NRG1: variants seen among roughly 807,000 people sequenced by gnomAD.
NRG1 encodes the protein pro-neuregulin-1, membrane-bound isoform.
In NRG1, 18 loss-of-function variants were observed where a neutral mutation model predicts 63.8. That is an observed-to-expected ratio of 0.28 (90% CI 0.19 to 0.42). NRG1 has a LOEUF of 0.42. NRG1 is among the 10% of genes least tolerant of loss of function. The probability of loss-of-function intolerance (pLI) is 1.00; values close to 1 mark genes in which losing one functional copy is unlikely to be tolerated. For synonymous variants in NRG1, 302 were observed against 301.3 expected (o/e 1.00, Z -0.02); for missense variants, 762 against 814.7 (o/e 0.94, Z 0.79).
chr8:32,469,385 G>A (rs932931297), intron 1 of NRG1, among the ~76,000 whole-genome samples: 1 of 152,208 alleles, frequency 6.6e-6, no homozygotes, highest in African/African-American at 2.4e-5. Flanking sequence ...TCAGGGGAGA[G>A]TGACGTGGAT....
chr8:32,501,126 G>A (rs1379283210), intron 1 of NRG1, among the ~76,000 whole-genome samples: 3 of 152,152 alleles, frequency 2.0e-5, no homozygotes, highest in African/African-American at 4.8e-5. Context: ...AAAAGCATCG[G>A]CATAAAACAA....
At chr8:32,750,230 T>C (rs1471351734) in intron 7 of NRG1, among the ~76,000 whole-genome samples, 5 of 152,334 alleles carry the variant, frequency 3.3e-5, no homozygotes, top group Non-Finnish European at 2.9e-5. Flanking sequence ...AGGTGGAGAT[T>C]CCAGTGGTAA....
At chr8:32,289,052 A>G (rs1476590533) in intron 1 of NRG1, among the ~76,000 whole-genome samples, 1 of 152,232 alleles carries the variant, frequency 6.6e-6, no homozygotes, top group Non-Finnish European at 1.5e-5. Flanking sequence ...TCTGAATTAC[A>G]AACAGAAGGA....
chr8:32,590,507 C>T (rs1842345503), intron 1 of NRG1, among the ~76,000 whole-genome samples: 1 of 152,098 alleles, frequency 6.6e-6, no homozygotes, highest in African/African-American at 2.4e-5. Context: ...ACCTTTTATG[C>T]TTAGATAAGA....
intron 1 of NRG1, among the ~76,000 whole-genome samples, chr8:32,477,595 A>G (rs1262194475): frequency 1.3e-5 from 2 of 152,204 alleles, no homozygotes; most frequent in Non-Finnish European, 2.9e-5. Flanking sequence ...TTTTAAAAAT[A>G]CCTTTGGCAT....
intron 1 of NRG1, among the ~76,000 whole-genome samples, chr8:32,055,484 C>A (rs1053539922): frequency 1.3e-5 from 2 of 151,980 alleles, no homozygotes; most frequent in African/African-American, 4.8e-5. Flanking sequence ...AAATGTAATT[C>A]CATTGAAAAT....
At chr8:31,958,153 T>TG (rs1804796750) in intron 1 of NRG1, among the ~76,000 whole-genome samples, 1 of 152,030 alleles carries the variant, frequency 6.6e-6, no homozygotes, top group Admixed American at 6.6e-5. Context: ...TATCTCTAAG[T>TG]ACATGAAGAA....
intron 1 of NRG1, among the ~76,000 whole-genome samples, chr8:32,116,143 T>G (rs1832683264): frequency 6.6e-6 from 1 of 152,156 alleles, no homozygotes; most frequent in Non-Finnish European, 1.5e-5. Flanking sequence ...GGATATTTTT[T>G]TATTCCTCCA....
At chr8:32,111,317 A>AAACCCCGTTGGCCAGCC (rs1162233372) in intron 1 of NRG1, among the ~76,000 whole-genome samples, 1 of 152,004 alleles carries the variant, frequency 6.6e-6, no homozygotes, top group African/African-American at 2.4e-5. Context: ...GGGTTTCACT[A>AAACCCCGTTGGCCAGCC]TGTTGGCCAG....
intron 1 of NRG1, among the ~76,000 whole-genome samples, chr8:32,433,827 A>G (rs1818462914): frequency 6.6e-6 from 1 of 152,104 alleles, no homozygotes; most frequent in African/African-American, 2.4e-5. Context: ...CATAGCATAA[A>G]TATTTTTTCT....
chr8:32,111,317 A>G (rs955140973), intron 1 of NRG1, among the ~76,000 whole-genome samples: 2 of 152,120 alleles, frequency 1.3e-5, no homozygotes, highest in South Asian at 2.1e-4. Context: ...GGGTTTCACT[A>G]TGTTGGCCAG....
At chr8:32,037,955 C>A (rs756882391) in intron 1 of NRG1, among the ~76,000 whole-genome samples, 2 of 152,230 alleles carry the variant, frequency 1.3e-5, no homozygotes, top group Non-Finnish European at 1.5e-5. Context: ...CCGCTTGGCT[C>A]CCTAGCTTCA....
chr8:32,651,942 T>C (rs1216823261), intron 5 of NRG1, among the ~76,000 whole-genome samples: 1 of 152,172 alleles, frequency 6.6e-6, no homozygotes, highest in African/African-American at 2.4e-5. Context: ...AGATCTTCTA[T>C]TGGAACTGAA....
intron 1 of NRG1, among the ~76,000 whole-genome samples, chr8:32,318,524 G>T (rs554086615): frequency 1.3e-5 from 2 of 152,072 alleles, no homozygotes; most frequent in African/African-American, 2.4e-5. Context: ...AAACATCCGA[G>T]CCTCAACTAG....
chr8:32,188,096 T>C (rs1388176673), intron 1 of NRG1, among the ~76,000 whole-genome samples: 2 of 151,924 alleles, frequency 1.3e-5, no homozygotes, highest in Admixed American at 1.3e-4. Flanking sequence ...AGATGAAGTC[T>C]CACTGGATTT....
chr8:31,925,397 G>A (rs1020388761), intron 1 of NRG1, among the ~76,000 whole-genome samples: 21 of 151,398 alleles, frequency 1.4e-4, no homozygotes, highest in African/African-American at 5.1e-4. Context: ...ATCAATAATT[G>A]TATTTCAAAC....
intron 1 of NRG1, among the ~76,000 whole-genome samples, chr8:32,368,437 T>C (rs1317675243): frequency 6.6e-6 from 1 of 151,968 alleles, no homozygotes; most frequent in Non-Finnish European, 1.5e-5. Context: ...AGAATAGTGG[T>C]GTGTACCTGT....
intron 1 of NRG1, among the ~76,000 whole-genome samples, chr8:31,870,079 G>A (rs569385871): frequency 3.8e-4 from 58 of 152,290 alleles, no homozygotes; most frequent in African/African-American, 1.3e-3. Flanking sequence ...AAAGGAATGA[G>A]TTTAGGTTTT....
intron 1 of NRG1, among the ~76,000 whole-genome samples, chr8:31,878,771 TG>T (rs1830118240): frequency 6.6e-6 from 1 of 152,160 alleles, no homozygotes. Flanking sequence ...GACCTCAACT[TG>T]TTGCTGTCTG....
Sources: allele counts gnomAD v4.1 joint callset (sites outside exome capture counted in the v4.1 genomes callset), GRCh38; gene constraint gnomAD v4.1.1; transcripts MANE v1.5; gene names NCBI Gene and HGNC (gene_info 2026-07-23, HGNC 2026-07-21).